Variants in ADGB observed in about 807,000 individuals in gnomAD.
ADGB encodes calpain-7-like protein.
In ADGB, 172 loss-of-function variants were observed where a neutral mutation model predicts 210.5. That is an observed-to-expected ratio of 0.82 (90% CI 0.72 to 0.93). The LOEUF is 0.93. Ranked by LOEUF, ADGB falls within the 40% of genes least tolerant of loss-of-function variation. ADGB has a pLI of 0.00. For synonymous variants in ADGB, 658 were observed against 662.7 expected (o/e 0.99, Z 0.11); for missense variants, 2,025 against 1,964.8 (o/e 1.03, Z -0.58).
In ADGB at chr6:146,741,256, T is replaced by A; in HGVS notation, c.3162T>A (p.Leu1054=). ...TGTTCCAAAAAGTGGTGCCTTATCTTTATACCAAGAATAAGGTAGGTATAA... is the reference window on the plus strand; with the variant it reads ...TGTTCCAAAAAGTGGTGCCTTATCTATATACCAAGAATAAGGTAGGTATAA... ...PKVFQKVVPY[L]YTKNKKGYTF... The change falls in exon 25 of 36, where the codon CTT becomes CTA. Residue 1054 remains leucine, a synonymous_variant. Coordinates refer to ENST00000397944, the MANE Select transcript of ADGB (RefSeq NM_024694.4). The A allele has an allele frequency of 6.4e-7, 1 of 1,550,558 alleles. No homozygotes were observed. The highest frequency in any genetic ancestry group is 8.7e-7 in the Non-Finnish European group (1 of 1,146,474).
At chr6:146,814,481 A>G (rs1190040588) in intron 35 of ADGB, among the ~76,000 whole-genome samples, 1 of 152,226 alleles carries the variant, frequency 6.6e-6, no homozygotes, top group Non-Finnish European at 1.5e-5. Context: ...AGCAAGAATA[A>G]GAACAACAAA....
chr6:146,676,940 G>T (rs377370931), intron 9 of ADGB, among the ~76,000 whole-genome samples: 2 of 152,048 alleles, frequency 1.3e-5, no homozygotes, highest in Non-Finnish European at 2.9e-5. Flanking sequence ...TTTGTGTATC[G>T]CATTGTGACT....
chr6:146,676,416 G>C lies in ADGB; in HGVS notation c.1191G>C (p.Gln397His). ...GTTCAAGACCCTCATCAGAAGTGCA[G>C]TACTCTGTGCAGTCCCTATCAGATT... ...LHGSRPSSEV[Q>H]YSVQSLSDCS... Residue 397 changes from glutamine to histidine, a missense_variant, in exon 9 of 36, where the codon CAG becomes CAC. Physicochemically the swap from Gln to His is conservative, Grantham distance 24. Transcript: ENST00000397944. 6.5e-7 allele frequency: 1 copy of C among 1,542,378 alleles called. No individual in the cohort carries two copies. The highest frequency in any genetic ancestry group is 1.2e-5 in the South Asian group (1 of 82,510).
At chr6:146,773,613 C>T (rs1777684480) in intron 29 of ADGB, among the ~76,000 whole-genome samples, 1 of 152,128 alleles carries the variant, frequency 6.6e-6, no homozygotes, top group African/African-American at 2.4e-5. Flanking sequence ...ATTACCATCC[C>T]AGTTTTACAG....
chr6:146,752,476 C>G, intron 26 of ADGB, 54 bp from the exon 27 acceptor site: 4 of 1,455,458 alleles, frequency 2.7e-6, no homozygotes, highest in Non-Finnish European at 3.7e-6. Context: ...CACTTACTGA[C>G]TTGAGAGAAA....
At chr6:146,628,535 C>A (rs1276279033) in intron 1 of ADGB, among the ~76,000 whole-genome samples, 1 of 151,918 alleles carries the variant, frequency 6.6e-6, no homozygotes, top group Non-Finnish European at 1.5e-5. Context: ...AACTTCCTGC[C>A]TACCTTTTGT....
At chr6:146,609,145 C>T (rs780693145) in intron 1 of ADGB, among the ~76,000 whole-genome samples, 5 of 152,090 alleles carry the variant, frequency 3.3e-5, no homozygotes, top group South Asian at 4.1e-4. Flanking sequence ...CCCTTTCGAT[C>T]GTTGTTGGCT....
chr6:146,631,583 A>G lies in ADGB; in HGVS notation c.75-3792A>G, dbSNP rs1004637834. On this transcript the variant is annotated intron_variant, in intron 1 of 35. Transcript: ENST00000397944. ...GTAAATTACAGGCATTCATTGTTTC[A>G]TTTCATATAAATAGATGATAGAGAT... Among the ~76,000 whole-genome samples, 5 of 152,298 alleles carry G rather than the reference A, an allele frequency of 3.3e-5. No homozygotes were observed. In the South Asian group the frequency reaches 6.2e-4, roughly 19 times the overall value.
intron 13 of ADGB, among the ~76,000 whole-genome samples, chr6:146,706,742 T>C (rs1465404194): frequency 1.3e-5 from 2 of 151,954 alleles, no homozygotes; most frequent in Non-Finnish European, 2.9e-5. Context: ...TTGTAATGCT[T>C]CCTTTTTTAT....
chr6:146,809,429 C>A (rs1778267661), intron 35 of ADGB, among the ~76,000 whole-genome samples: 1 of 152,128 alleles, frequency 6.6e-6, no homozygotes, highest in Non-Finnish European at 1.5e-5. Flanking sequence ...TGGTCTTGAA[C>A]TCTTGACCTC....
At chr6:146,788,856 G>T (rs1486148875) in intron 33 of ADGB, among the ~76,000 whole-genome samples, 1 of 152,152 alleles carries the variant, frequency 6.6e-6, no homozygotes, top group Non-Finnish European at 1.5e-5. Context: ...TTTTTTCTGT[G>T]TATAGGTTTT....
At chr6:146,633,349 A>G (rs992704824) in intron 1 of ADGB, among the ~76,000 whole-genome samples, 3 of 152,102 alleles carry the variant, frequency 2.0e-5, no homozygotes, top group South Asian at 2.1e-4. Flanking sequence ...CATAGCAGCA[A>G]GAATTATCAT....
intron 12 of ADGB, among the ~76,000 whole-genome samples, chr6:146,699,882 C>T (rs1332968830): frequency 6.6e-6 from 1 of 152,112 alleles, no homozygotes; most frequent in Non-Finnish European, 1.5e-5. Flanking sequence ...CCTAAATTCC[C>T]TGAGTTACTT....
At position 146,685,767 on chromosome 6, in the gene ADGB, T is replaced by C; in HGVS notation, c.1250T>C (p.Val417Ala). 1.3e-6 allele frequency: 2 copies of C among 1,542,030 alleles called. No individual in the cohort carries two copies. Among genetic ancestry groups the C allele is most frequent in the Non-Finnish European group, 1.7e-6 (2 of 1,142,972 alleles). ...SSAIQTSHMV[V>A]YATFTPLYLF... is the part of the protein sequence containing the mutation. ...GCAATACAGACCTCTCATATGGTCG[T>C]ATATGCGACATTTACACCTCTTTAT... Residue 417 changes from valine to alanine, a missense_variant, in exon 10 of 36, where the codon GTA (valine) becomes GCA (alanine). Coordinates refer to ENST00000397944, the MANE Select transcript of ADGB (RefSeq NM_024694.4).
At chr6:146,639,233 A>C (rs766906639) in intron 2 of ADGB, 1 of 152,906 alleles carries the variant, frequency 6.5e-6, no homozygotes, top group Non-Finnish European at 1.5e-5. Flanking sequence ...TGATATTTAG[A>C]GGTGGCGAAA....
At chr6:146,621,720 A>T (rs1780898719) in intron 1 of ADGB, among the ~76,000 whole-genome samples, 1 of 152,118 alleles carries the variant, frequency 6.6e-6, no homozygotes, top group Non-Finnish European at 1.5e-5. Context: ...AGGATCTTCT[A>T]TTCTGTCATC....
intron 20 of ADGB, among the ~76,000 whole-genome samples, chr6:146,732,470 T>C (rs1158851470): frequency 6.6e-6 from 1 of 152,142 alleles, no homozygotes; most frequent in East Asian, 1.9e-4. Flanking sequence ...TGGTTCACCA[T>C]TTCATGCTAC....
intron 9 of ADGB, among the ~76,000 whole-genome samples, chr6:146,676,837 C>G (rs1220046097): frequency 1.3e-5 from 2 of 152,186 alleles, no homozygotes; most frequent in African/African-American, 4.8e-5. Flanking sequence ...TCACAGTGGG[C>G]CTCCAGCTCT....
intron 35 of ADGB, chr6:146,803,140 G>T (rs912079107): frequency 2.0e-6 from 3 of 1,484,898 alleles, no homozygotes; most frequent in Non-Finnish European, 2.8e-6. Flanking sequence ...ACAACGCCAA[G>T]ATCTTCTATC....
Sources: gnomAD v4.1 joint callset for allele counts (sites outside exome capture counted in the v4.1 genomes callset) on GRCh38, gnomAD v4.1.1 for gene constraint, MANE v1.5 for transcripts, NCBI Gene and HGNC (gene_info 2026-07-23, HGNC 2026-07-21) for gene names.